The following LRIG1 variants were observed in gnomAD, a reference collection of about 807,000 sequenced individuals.
LRIG1 encodes leucine-rich repeats and immunoglobulin-like domains protein 1.
In LRIG1, 48 loss-of-function variants were observed where a neutral mutation model predicts 99.2. The observed-to-expected ratio is 0.48, with a 90% CI of 0.38 to 0.62. The LOEUF (loss-of-function observed/expected upper bound fraction) is 0.62. Among genes scored for constraint, LRIG1 ranks in the 20% least tolerant of loss-of-function variants. LRIG1 has a pLI of 0.00. For synonymous variants in LRIG1, 772 were observed against 596.1 expected, an observed-to-expected ratio of 1.29 and a Z score of -4.30; for missense variants, 1,646 against 1,434.4, an observed-to-expected ratio of 1.15 and a Z score of -2.38.
intron 1 of LRIG1, among the ~76,000 whole-genome samples, chr3:66,486,157 T>C (rs1434305201): frequency 1.3e-5 from 2 of 152,266 alleles, no homozygotes; most frequent in East Asian, 3.9e-4. Flanking sequence ...AGGTACACTA[T>C]TATTGCGACA....
At position 66,378,847 on chromosome 3, in the gene LRIG1, G is replaced by A. The variant is rs1559758293; in HGVS notation, c.*1416C>T. The A allele has an allele frequency of 6.6e-6, 1 of 152,498 alleles. No homozygotes were observed. Among genetic ancestry groups the A allele is most frequent in the Non-Finnish European group, 1.5e-5 (1 of 68,028 alleles). The allele number at this position is 152,498 out of a possible 1,614,324, so 9.4% of individuals were successfully genotyped here. On this transcript the variant is annotated 3_prime_UTR_variant, in exon 19 of 19. Coordinates refer to ENST00000273261, the MANE Select transcript of LRIG1 (RefSeq NM_015541.3). ...AAAGACACTTCAATGCCATTTGTTA[G>A]ACACTTCAATATTTTACATGGTTTT...
chr3:66,434,382 T>C (rs1193448301), intron 3 of LRIG1, among the ~76,000 whole-genome samples: 1 of 152,192 alleles, frequency 6.6e-6, no homozygotes, highest in Non-Finnish European at 1.5e-5. Context: ...TCATTGGTCA[T>C]CATGCAAATA....
chr3:66,478,582 T>C (rs1700777177), intron 1 of LRIG1, among the ~76,000 whole-genome samples: 1 of 152,190 alleles, frequency 6.6e-6, no homozygotes, highest in Non-Finnish European at 1.5e-5. Flanking sequence ...AACAGCTGTT[T>C]ACAATGCAGA....
At chr3:66,432,002 C>A (rs1703187911) in intron 3 of LRIG1, among the ~76,000 whole-genome samples, 1 of 152,216 alleles carries the variant, frequency 6.6e-6, no homozygotes, top group Non-Finnish European at 1.5e-5. Context: ...TACTGCCTGT[C>A]AATTATGTGA....
At position 66,471,963 on chromosome 3, in the gene LRIG1, C is replaced by G. The variant is rs1045671685; in HGVS notation, c.219-9454G>C. On this transcript the variant is annotated intron_variant, in intron 1 of 18. Coordinates refer to ENST00000273261, the MANE Select transcript of LRIG1 (RefSeq NM_015541.3). ...ACTGATTAGCTTCCTATGAAACCACCAATGCAAAATCCAGGGTGTTTCTGA... is the reference window on the plus strand; with the variant it reads ...ACTGATTAGCTTCCTATGAAACCACGAATGCAAAATCCAGGGTGTTTCTGA... Among the ~76,000 whole-genome samples the G allele has an allele frequency of 2.0e-5, 3 of 152,054 alleles. No individual in the cohort carries two copies. The South Asian group carries it at 6.2e-4, about 32-fold the overall frequency.
At chr3:66,484,574 G>C (rs935167587) in intron 1 of LRIG1, among the ~76,000 whole-genome samples, 2 of 152,190 alleles carry the variant, frequency 1.3e-5, no homozygotes, top group African/African-American at 4.8e-5. Context: ...CCAGACAGAG[G>C]AAATGGTGGG....
intron 1 of LRIG1, among the ~76,000 whole-genome samples, chr3:66,489,649 T>C (rs1398530325): frequency 1.3e-5 from 2 of 152,192 alleles, no homozygotes; most frequent in African/African-American, 4.8e-5. Flanking sequence ...TACTCCCTTT[T>C]TGCTTCAATT....
At chr3:66,459,127 C>A (rs928424779) in intron 2 of LRIG1, among the ~76,000 whole-genome samples, 1 of 152,124 alleles carries the variant, frequency 6.6e-6, no homozygotes. Context: ...GTGACTGTTC[C>A]TAAGTGAGAA....
chr3:66,414,354 A>T (rs370718021), intron 5 of LRIG1, among the ~76,000 whole-genome samples: 4 of 152,162 alleles, frequency 2.6e-5, no homozygotes, highest in East Asian at 1.9e-4. Flanking sequence ...CTGAGATCAC[A>T]CCACTGCACC....
intron 13 of LRIG1, 118 bp from the exon 14 acceptor site, chr3:66,384,390 A>C: frequency 8.8e-6 from 10 of 1,137,614 alleles, no homozygotes; most frequent in Admixed American, 2.0e-5. Context: ...CTTTTCTCCC[A>C]ATGTCTGCCC....
At chr3:66,401,828 C>T (rs982446863) in intron 9 of LRIG1, 6 of 505,074 alleles carry the variant, frequency 1.2e-5, no homozygotes, top group Non-Finnish European at 2.1e-5. Context: ...AGTCACCTGT[C>T]AAACCTCCCA....
At chr3:66,483,955 G>GT (rs1224357844) in intron 1 of LRIG1, among the ~76,000 whole-genome samples, 16 of 152,242 alleles carry the variant, frequency 1.1e-4, no homozygotes, top group Non-Finnish European at 2.4e-4. Flanking sequence ...AGCCACTTCA[G>GT]TGACAATTCT....
chr3:66,383,490 A>C (rs773412840), intron 14 of LRIG1, 89 bp from the exon 15 acceptor site: 8 of 1,172,360 alleles, frequency 6.8e-6, no homozygotes, highest in South Asian at 1.5e-5. Context: ...ACAATCCAAC[A>C]TATCAATGAG....
intron 11 of LRIG1, among the ~76,000 whole-genome samples, chr3:66,395,566 A>C (rs1021193566): frequency 3.3e-5 from 5 of 152,202 alleles, no homozygotes; most frequent in African/African-American, 1.2e-4. Flanking sequence ...GGCCATTATA[A>C]CTGGGATGCT....
At position 66,410,017 on chromosome 3, in the gene LRIG1, G is replaced by C; in HGVS notation, c.935+112C>G. On this transcript the variant is annotated intron_variant, in intron 7 of 18. Transcript: ENST00000273261. ...GGTTTGGGAACAGGGCTACTGGCCT[G>C]TCTCTGAGCCCTCCCCGAGGCCACT... is the stretch of plus-strand genomic sequence containing the variant. 2.5e-6 allele frequency: 3 copies of C among 1,184,388 alleles called. No homozygotes were observed. In the South Asian group the frequency reaches 4.5e-5, roughly 18 times the overall value. The allele number at this position is 1,184,388 out of a possible 1,614,324, so 73.4% of individuals were successfully genotyped here.
chr3:66,399,191 G>A (rs1575660086), intron 9 of LRIG1, 150 bp from the exon 10 acceptor site: 1 of 658,766 alleles, frequency 1.5e-6, no homozygotes, highest in South Asian at 1.9e-5. Context: ...AAGCTGACCT[G>A]CGCTGAGATT....
intron 3 of LRIG1, among the ~76,000 whole-genome samples, chr3:66,419,520 G>C (rs573180535): frequency 1.3e-5 from 2 of 152,274 alleles, no homozygotes; most frequent in Admixed American, 6.5e-5. Flanking sequence ...CAAGGTGCCA[G>C]GGCGAATGTC....
intron 6 of LRIG1, among the ~76,000 whole-genome samples, chr3:66,410,961 G>C (rs544628017): frequency 6.6e-6 from 1 of 152,222 alleles, no homozygotes; most frequent in East Asian, 1.9e-4. Context: ...TAGCTCTGGC[G>C]TCAGACTACC....
chr3:66,418,152 C>T (rs963719242), intron 3 of LRIG1, among the ~76,000 whole-genome samples: 7 of 152,054 alleles, frequency 4.6e-5, no homozygotes, highest in South Asian at 2.1e-4. Flanking sequence ...AGTGCAGTGG[C>T]GCCATCTTGG....
Sources: allele counts gnomAD v4.1 joint callset (sites outside exome capture counted in the v4.1 genomes callset), GRCh38; gene constraint gnomAD v4.1.1; transcripts MANE v1.5; gene names NCBI Gene and HGNC (gene_info 2026-07-23, HGNC 2026-07-21).